Variants in NPAS3 observed in about 807,000 individuals in gnomAD.
NPAS3 encodes neuronal PAS domain protein 3.
Under a neutral mutation model 73.1 loss-of-function variants are expected in NPAS3, and 14 were observed. The ratio of observed to expected loss-of-function variants is 0.19; its 90% CI spans 0.13 to 0.30. NPAS3 has a LOEUF of 0.30. NPAS3 is among the 10% of genes least tolerant of loss of function. The pLI is 1.00. For missense variants in NPAS3, 1,096 were observed against 1,250.0 expected, an observed-to-expected ratio of 0.88 and a Z score of 1.86; for synonymous variants, 620 against 541.5, an observed-to-expected ratio of 1.14 and a Z score of -2.01.
chr14:32,973,908 T>C (rs1265259776), intron 1 of NPAS3, among the ~76,000 whole-genome samples: 1 of 152,206 alleles, frequency 6.6e-6, no homozygotes, highest in Non-Finnish European at 1.5e-5. Flanking sequence ...AGGGCTGACA[T>C]CTGAAATAGG....
At chr14:33,517,681 C>T (rs181114026) in intron 4 of NPAS3, among the ~76,000 whole-genome samples, 16 of 152,154 alleles carry the variant, frequency 1.1e-4, no homozygotes, top group African/African-American at 3.1e-4. Flanking sequence ...TTTGTGCTTT[C>T]GTCATGCCCC....
At chr14:33,647,425 G>A (rs2058866280) in intron 5 of NPAS3, among the ~76,000 whole-genome samples, 1 of 151,914 alleles carries the variant, frequency 6.6e-6, no homozygotes, top group Non-Finnish European at 1.5e-5. Context: ...ATATACTTAT[G>A]CTGCCTTCTG....
intron 3 of NPAS3, among the ~76,000 whole-genome samples, chr14:33,319,433 T>A (rs1247363512): frequency 6.6e-6 from 1 of 152,104 alleles, no homozygotes; most frequent in Non-Finnish European, 1.5e-5. Flanking sequence ...TATCAAATGA[T>A]ATCATATAAA....
chr14:33,098,144 A>G (rs554305092), intron 2 of NPAS3, among the ~76,000 whole-genome samples: 10 of 152,278 alleles, frequency 6.6e-5, no homozygotes, highest in Non-Finnish European at 1.2e-4. Context: ...ATCTAGAATT[A>G]ATTTTGTGTA....
intron 6 of NPAS3, among the ~76,000 whole-genome samples, chr14:33,733,555 G>A (rs2061450813): frequency 6.6e-6 from 1 of 152,306 alleles, no homozygotes; most frequent in East Asian, 1.9e-4. Flanking sequence ...GATTGGATTA[G>A]AGGGGCAAAT....
intron 6 of NPAS3, 85 bp downstream of exon 6, chr14:33,676,470 A>G (rs534359358): frequency 1.7e-6 from 2 of 1,155,480 alleles, no homozygotes; most frequent in Admixed American, 3.0e-5. Context: ...TGAAGAGACT[A>G]TAAATAGGTC....
intron 2 of NPAS3, among the ~76,000 whole-genome samples, chr14:33,211,522 C>G (rs893914373): frequency 2.6e-5 from 4 of 152,192 alleles, no homozygotes; most frequent in African/African-American, 9.6e-5. Flanking sequence ...CCATTGCACT[C>G]CAACCTGGGT....
chr14:33,109,535 T>A (rs1246392154), intron 2 of NPAS3, among the ~76,000 whole-genome samples: 2 of 152,148 alleles, frequency 1.3e-5, no homozygotes, highest in Admixed American at 6.5e-5. Flanking sequence ...TCAAGTGTAG[T>A]TTACATCTTT....
At chr14:32,945,007 G>A (rs2036194086) in intron 1 of NPAS3, among the ~76,000 whole-genome samples, 1 of 152,192 alleles carries the variant, frequency 6.6e-6, no homozygotes, top group Admixed American at 6.5e-5. Flanking sequence ...GGTTATGCGT[G>A]CCAGGTACAG....
At chr14:33,301,005 C>T (rs1433714387) in intron 3 of NPAS3, among the ~76,000 whole-genome samples, 1 of 151,966 alleles carries the variant, frequency 6.6e-6, no homozygotes, top group African/African-American at 2.4e-5. Context: ...TAGCAGGTGG[C>T]TTTGATATTT....
intron 6 of NPAS3, among the ~76,000 whole-genome samples, chr14:33,702,921 C>CA (rs2060560676): frequency 6.6e-6 from 1 of 152,146 alleles, no homozygotes; most frequent in Non-Finnish European, 1.5e-5. Context: ...ATCCACCTGA[C>CA]AATTTCCACT....
At chr14:33,060,768 C>T (rs746791709) in intron 2 of NPAS3, among the ~76,000 whole-genome samples, 17 of 152,132 alleles carry the variant, frequency 1.1e-4, no homozygotes, top group South Asian at 4.1e-4. Flanking sequence ...GTTCTCAGGA[C>T]GATTTGCCTT....
intron 3 of NPAS3, among the ~76,000 whole-genome samples, chr14:33,230,310 A>G (rs946783657): frequency 1.3e-5 from 2 of 152,188 alleles, no homozygotes; most frequent in Non-Finnish European, 2.9e-5. Context: ...TCTGGTATCA[A>G]AACCTGGTCT....
chr14:33,267,452 A>G (rs2040867152), intron 3 of NPAS3, among the ~76,000 whole-genome samples: 1 of 152,186 alleles, frequency 6.6e-6, no homozygotes, highest in African/African-American at 2.4e-5. Flanking sequence ...ATCAAAATGT[A>G]GAATAGAGAA....
intron 4 of NPAS3, among the ~76,000 whole-genome samples, chr14:33,454,053 G>C (rs2049918813): frequency 6.6e-6 from 1 of 151,884 alleles, no homozygotes; most frequent in South Asian, 2.1e-4. Flanking sequence ...CTGGCTGCCA[G>C]GGACTAAATT....
intron 6 of NPAS3, among the ~76,000 whole-genome samples, chr14:33,684,462 C>T (rs1204875685): frequency 6.6e-6 from 1 of 152,056 alleles, no homozygotes. Context: ...TAGGTGCACA[C>T]CACCACACCT....
chr14:33,342,565 A>T (rs944900182), intron 3 of NPAS3, among the ~76,000 whole-genome samples: 1 of 152,216 alleles, frequency 6.6e-6, no homozygotes, highest in African/African-American at 2.4e-5. Flanking sequence ...TAACATCTCA[A>T]GGGTGGTTTT....
chr14:33,466,704 G>A (rs1951384), intron 4 of NPAS3, among the ~76,000 whole-genome samples: 7,952 of 151,846 alleles, frequency 0.052, 284 homozygotes, highest in African/African-American at 0.1. Flanking sequence ...GGAGAGAGGC[G>A]TCTCACATGA....
At chr14:33,113,183 GT>G (rs1421274670) in intron 2 of NPAS3, among the ~76,000 whole-genome samples, 1 of 152,140 alleles carries the variant, frequency 6.6e-6, no homozygotes, top group Non-Finnish European at 1.5e-5. Flanking sequence ...CTTTAAAGTA[GT>G]TTTTTTCCAA....
Sources: gnomAD v4.1 joint callset for allele counts (sites outside exome capture counted in the v4.1 genomes callset) on GRCh38, gnomAD v4.1.1 for gene constraint, MANE v1.5 for transcripts, NCBI Gene and HGNC (gene_info 2026-07-23, HGNC 2026-07-21) for gene names.